BARD1: variants seen among roughly 807,000 people sequenced by gnomAD.
BARD1 encodes BRCA1-associated RING domain protein 1.
BARD1 carries 73 observed loss-of-function variants against 77.0 expected under a neutral mutation model. That is an observed-to-expected ratio of 0.95 (90% CI 0.79 to 1.15). The LOEUF (loss-of-function observed/expected upper bound fraction) is 1.15. BARD1 is among the 50% of genes most tolerant of loss of function. BARD1 has a pLI of 0.00. For synonymous variants in BARD1, 384 were observed against 338.0 expected, an observed-to-expected ratio of 1.14 and a Z score of -1.49; for missense variants, 993 against 938.8, an observed-to-expected ratio of 1.06 and a Z score of -0.75.
At chr2:214,809,373 C>A in intron 1 of BARD1, 39 bp downstream of exon 1, 1 of 1,610,270 alleles carries the variant, frequency 6.2e-7, no homozygotes, top group Non-Finnish European at 8.5e-7. Context: ...CTGTGCGACC[C>A]GTGCCCTCGC....
chr2:214,745,258 C>G, intron 8 of BARD1, 99 bp from the exon 9 acceptor site: 1 of 1,087,954 alleles, frequency 9.2e-7, no homozygotes, highest in Non-Finnish European at 1.4e-6. Context: ...AAGCTTATAT[C>G]TGAATCTTCA....
chr2:214,790,280 T>C (rs1488139310), intron 3 of BARD1, among the ~76,000 whole-genome samples: 1 of 152,134 alleles, frequency 6.6e-6, no homozygotes, highest in Non-Finnish European at 1.5e-5. Context: ...AAAATTCACA[T>C]GTTGAGGTCC....
Position 214,790,628 on chromosome 2 carries a change from T to TA in BARD1, c.364+1668dup, listed in dbSNP as rs1559435078. ...AGCCACTCAGTTTGTGATACTTTGT[T>TA]ACAGCAGTTCTAGCAAATGAATACA... On this transcript the variant is annotated intron_variant, in intron 3 of 10. Coordinates refer to ENST00000260947, the MANE Select transcript of BARD1 (RefSeq NM_000465.4). Among the ~76,000 whole-genome samples the TA allele has an allele frequency of 2.0e-5, 3 of 152,164 alleles. No homozygotes were observed. In the East Asian group the frequency reaches 5.8e-4, roughly 29 times the overall value.
rs876660360 is a variant in BARD1 at position 214,730,511 on chromosome 2, G to A, written c.1904-3C>T. ...TCTTCGTAGACATGCTTTTACCCCT[G>A]ACAAAAACACAAGAATTAAAGCAAA... On this transcript the variant is annotated splice_region_variant and splice_polypyrimidine_tract_variant and intron_variant, in intron 9 of 10. Transcript: ENST00000260947. The A allele has an allele frequency of 1.9e-6, 3 of 1,611,656 alleles. No homozygotes were observed. Among genetic ancestry groups the A allele is most frequent in the East Asian group, 2.2e-5 (1 of 44,820 alleles).
At chr2:214,785,669 T>C (rs2106120920) in intron 3 of BARD1, among the ~76,000 whole-genome samples, 1 of 151,728 alleles carries the variant, frequency 6.6e-6, no homozygotes, top group East Asian at 1.9e-4. Flanking sequence ...TCTGGCACTC[T>C]ATCTCTCCAC....
In BARD1 at chr2:214,777,833, T is replaced by C. The variant is rs1429032993; in HGVS notation, c.1314+2727A>G. Among the ~76,000 whole-genome samples the C allele has an allele frequency of 5.3e-5, 8 of 152,340 alleles. No individual in the cohort carries two copies. The South Asian group carries it at 1.4e-3, about 28-fold the overall frequency. On this transcript the variant is annotated intron_variant, in intron 4 of 10. Transcript: ENST00000260947. ...TAAATAAGATAGCAGAATTGCAATA[T>C]GTGTACACATAGATTTATTCATTCT...
chr2:214,752,619 C>T, intron 6 of BARD1, 64 bp from the exon 7 acceptor site: 1 of 1,150,192 alleles, frequency 8.7e-7, no homozygotes, highest in South Asian at 1.2e-5. Flanking sequence ...AATTTTTCAA[C>T]ATCCTTAATA....
At chr2:214,749,943 G>T (rs1693327234) in intron 7 of BARD1, among the ~76,000 whole-genome samples, 1 of 152,090 alleles carries the variant, frequency 6.6e-6, no homozygotes, top group Admixed American at 6.6e-5. Context: ...TAAGGCTGAA[G>T]TCTAAAGCAG....
At chr2:214,733,010 A>G (rs79526230) in intron 9 of BARD1, among the ~76,000 whole-genome samples, 2,184 of 152,284 alleles carry the variant, frequency 0.014, 44 homozygotes, top group East Asian at 0.086. Context: ...AATTTTGAAA[A>G]TACCTAGAAT....
chr2:214,764,178 CAA>C (rs1420715098), intron 6 of BARD1, among the ~76,000 whole-genome samples: 1 of 152,074 alleles, frequency 6.6e-6, no homozygotes, highest in African/African-American at 2.4e-5. Context: ...GACCTTTTAT[CAA>C]AAAAGAGGAA....
At chr2:214,766,845 T>C (rs979040232) in intron 6 of BARD1, among the ~76,000 whole-genome samples, 1 of 152,184 alleles carries the variant, frequency 6.6e-6, no homozygotes, top group Non-Finnish European at 1.5e-5. Flanking sequence ...TTCTAGGTTT[T>C]TATTTAAGTT....
intron 9 of BARD1, among the ~76,000 whole-genome samples, chr2:214,737,572 C>A (rs1692621637): frequency 6.6e-6 from 1 of 152,080 alleles, no homozygotes; most frequent in African/African-American, 2.4e-5. Flanking sequence ...GTTACAAATT[C>A]ATATCAACTT....
intron 6 of BARD1, among the ~76,000 whole-genome samples, chr2:214,757,839 AG>A (rs1448898926): frequency 6.6e-6 from 1 of 152,170 alleles, no homozygotes. Flanking sequence ...AAGGAAGAAA[AG>A]CGGGTACACA....
intron 4 of BARD1, among the ~76,000 whole-genome samples, chr2:214,772,732 GTT>G (rs1250408689): frequency 1.3e-5 from 2 of 152,226 alleles, no homozygotes; most frequent in East Asian, 1.9e-4. Context: ...GTACTTGAAA[GTT>G]TTGTCATATT....
intron 6 of BARD1, among the ~76,000 whole-genome samples, chr2:214,760,521 T>C (rs1215084195): frequency 6.6e-6 from 1 of 152,158 alleles, no homozygotes; most frequent in East Asian, 1.9e-4. Context: ...CCAGAACATG[T>C]ATCAGGATAA....
Position 214,769,280 on chromosome 2 carries a change from T to C in BARD1, c.1347A>G (p.Gln449=), listed in dbSNP as rs373257776. The C allele has an allele frequency of 4.0e-4, 643 of 1,613,768 alleles. No individual in the cohort carries two copies. The highest frequency in any genetic ancestry group is 5.1e-4 in the Non-Finnish European group (604 of 1,179,702). The change falls in exon 5 of 11, where the codon CAA becomes CAG. Residue 449 remains glutamine (Q), a synonymous_variant. Coordinates refer to ENST00000260947, the MANE Select transcript of BARD1 (RefSeq NM_000465.4). ...CTTTAACATTTGGATCACTTCCATT[T>C]TGTAAAAGGTATTCAACAGAAGGTA... The part of the protein sequence containing the change: ...GDIPSVEYLL[Q]NGSDPNVKDH...
At chr2:214,746,886 A>T (rs934289522) in intron 7 of BARD1, among the ~76,000 whole-genome samples, 1 of 152,168 alleles carries the variant, frequency 6.6e-6, no homozygotes, top group South Asian at 2.1e-4. Context: ...GCTTCTGCAC[A>T]GCAAAAGAAA....
chr2:214,773,337 C>A (rs188625731), intron 4 of BARD1, among the ~76,000 whole-genome samples: 5 of 152,204 alleles, frequency 3.3e-5, no homozygotes, highest in African/African-American at 9.6e-5. Flanking sequence ...GTAAATGAAC[C>A]GACCAGGAAC....
intron 6 of BARD1, among the ~76,000 whole-genome samples, chr2:214,756,858 G>A (rs1464641977): frequency 1.3e-5 from 2 of 152,060 alleles, no homozygotes; most frequent in Non-Finnish European, 2.9e-5. Flanking sequence ...AAGGATAAAA[G>A]ACTACAAACT....
Sources: allele counts gnomAD v4.1 joint callset (sites outside exome capture counted in the v4.1 genomes callset), GRCh38; gene constraint gnomAD v4.1.1; transcripts MANE v1.5; gene names NCBI Gene and HGNC (gene_info 2026-07-23, HGNC 2026-07-21).